Variants in DPP10 observed in about 807,000 individuals in gnomAD.
The protein encoded by DPP10 is dipeptidyl peptidase like 10.
DPP10 carries 33 observed loss-of-function variants against 120.9 expected under a neutral mutation model. The ratio of observed to expected loss-of-function variants is 0.27; its 90% CI spans 0.21 to 0.37. The LOEUF is 0.37. DPP10 is among the 10% of genes least tolerant of loss of function. The probability of loss-of-function intolerance (pLI) is 1.00; values close to 1 mark genes in which losing one functional copy is unlikely to be tolerated. For missense variants in DPP10, 816 were observed against 942.8 expected (o/e 0.87, Z 1.76); for synonymous variants, 337 against 326.1 (o/e 1.03, Z -0.36).
chr2:114,457,005 G>A (rs1161214658), intron 1 of DPP10, among the ~76,000 whole-genome samples: 1 of 152,182 alleles, frequency 6.6e-6, no homozygotes, highest in Non-Finnish European at 1.5e-5. Context: ...ATCTATGCCT[G>A]ATCTAACTCC....
chr2:115,759,894 C>A (rs1282238984), intron 11 of DPP10, among the ~76,000 whole-genome samples: 3 of 152,072 alleles, frequency 2.0e-5, no homozygotes, highest in African/African-American at 7.2e-5. Flanking sequence ...CCTGTAATCC[C>A]AGCTACTCCA....
intron 5 of DPP10, among the ~76,000 whole-genome samples, chr2:115,657,828 T>TTC (rs1441482355): frequency 6.6e-6 from 1 of 151,954 alleles, no homozygotes; most frequent in Non-Finnish European, 1.5e-5. Context: ...CATTACAAAA[T>TTC]TCTCTTGAAG....
At chr2:115,112,791 G>A (rs1029989222) in intron 1 of DPP10, among the ~76,000 whole-genome samples, 1 of 152,134 alleles carries the variant, frequency 6.6e-6, no homozygotes, top group Non-Finnish European at 1.5e-5. Flanking sequence ...ACAATTTGGC[G>A]ACTATAGTTA....
chr2:115,308,727 G>A (rs1257334632), intron 1 of DPP10, among the ~76,000 whole-genome samples: 1 of 144,998 alleles, frequency 6.9e-6, no homozygotes, highest in Non-Finnish European at 1.5e-5. Context: ...TGAGTGGTGG[G>A]AGAACTGTTT....
chr2:114,742,323 G>T (rs554693699), intron 1 of DPP10, among the ~76,000 whole-genome samples: 1 of 151,944 alleles, frequency 6.6e-6, no homozygotes, highest in African/African-American at 2.4e-5. Flanking sequence ...AATTAAAAAG[G>T]AAAAAGAAAA....
chr2:114,685,875 AT>A (rs1699331089), intron 1 of DPP10, among the ~76,000 whole-genome samples: 1 of 151,890 alleles, frequency 6.6e-6, no homozygotes, highest in African/African-American at 2.4e-5. Flanking sequence ...GATTCTTCTA[AT>A]GCATTATTCC....
intron 1 of DPP10, among the ~76,000 whole-genome samples, chr2:114,452,376 T>C (rs1678334792): frequency 6.6e-6 from 1 of 152,182 alleles, no homozygotes; most frequent in Admixed American, 6.6e-5. Context: ...GTGATCTCTC[T>C]TGATGGCTCA....
intron 3 of DPP10, among the ~76,000 whole-genome samples, chr2:115,448,084 G>A (rs147136807): frequency 6.6e-6 from 1 of 152,328 alleles, no homozygotes; most frequent in Admixed American, 6.5e-5. Context: ...CCTGTGTGGG[G>A]AACAATGAGA....
At chr2:115,322,923 C>G (rs928665519) in intron 2 of DPP10, among the ~76,000 whole-genome samples, 1 of 152,160 alleles carries the variant, frequency 6.6e-6, no homozygotes, top group Non-Finnish European at 1.5e-5. Context: ...AAATCATAAT[C>G]TTTTTGTCAG....
chr2:115,763,108 A>T (rs189501339), intron 12 of DPP10, among the ~76,000 whole-genome samples: 1 of 152,328 alleles, frequency 6.6e-6, no homozygotes, highest in East Asian at 1.9e-4. Flanking sequence ...ACATGGTCTC[A>T]TCCTGGACAA....
intron 1 of DPP10, among the ~76,000 whole-genome samples, chr2:114,898,753 A>C (rs985841494): frequency 6.6e-6 from 1 of 152,214 alleles, no homozygotes; most frequent in Non-Finnish European, 1.5e-5. Context: ...TGCAGCTCTC[A>C]AAGATATCGT....
intron 5 of DPP10, among the ~76,000 whole-genome samples, chr2:115,646,544 A>G (rs764925497): frequency 4.6e-5 from 7 of 152,184 alleles, no homozygotes; most frequent in Non-Finnish European, 1.0e-4. Context: ...ACTGAAACAC[A>G]GGGTGTTTAG....
intron 1 of DPP10, among the ~76,000 whole-genome samples, chr2:114,920,120 G>A (rs1695094554): frequency 6.6e-6 from 1 of 152,170 alleles, no homozygotes; most frequent in East Asian, 1.9e-4. Flanking sequence ...TCTCTGAGTG[G>A]CAGAATGGCT....
chr2:115,191,740 C>A (rs1246471869), intron 1 of DPP10, among the ~76,000 whole-genome samples: 1 of 152,100 alleles, frequency 6.6e-6, no homozygotes, highest in Non-Finnish European at 1.5e-5. Context: ...AAGATCCTTC[C>A]CAGGCCGGTT....
intron 1 of DPP10, among the ~76,000 whole-genome samples, chr2:114,905,198 T>C (rs1380716305): frequency 6.6e-6 from 1 of 152,112 alleles, no homozygotes; most frequent in African/African-American, 2.4e-5. Flanking sequence ...TAGTATTATC[T>C]TGCCAATTTC....
At chr2:115,768,459 G>T in intron 13 of DPP10, 55 bp downstream of exon 13, 1 of 1,511,558 alleles carries the variant, frequency 6.6e-7, no homozygotes, top group Non-Finnish European at 9.1e-7. Flanking sequence ...GTCCCCGAAG[G>T]CCCAGTTCTT....
chr2:115,142,204 T>G (rs2050964938), intron 1 of DPP10, among the ~76,000 whole-genome samples: 1 of 152,214 alleles, frequency 6.6e-6, no homozygotes, highest in Admixed American at 6.5e-5. Flanking sequence ...TCCTCTTGCC[T>G]GTTTAATATT....
intron 19 of DPP10, among the ~76,000 whole-genome samples, chr2:115,802,058 G>C (rs925132303): frequency 2.0e-5 from 3 of 152,042 alleles, no homozygotes; most frequent in African/African-American, 7.2e-5. Context: ...GAATCCATCT[G>C]GTCCTGGACT....
chr2:114,812,583 GACACACAC>G (rs3036385), intron 1 of DPP10, among the ~76,000 whole-genome samples: 5 of 134,520 alleles, frequency 3.7e-5, no homozygotes, highest in South Asian at 2.4e-4. Flanking sequence ...GTGAGACATT[GACACACAC>G]ACACACACAC....
Sources: gnomAD v4.1 joint callset for allele counts (sites outside exome capture counted in the v4.1 genomes callset) on GRCh38, gnomAD v4.1.1 for gene constraint, MANE v1.5 for transcripts, NCBI Gene and HGNC (gene_info 2026-07-23, HGNC 2026-07-21) for gene names.